The following CCDC7 variants were observed in gnomAD, a reference collection of about 807,000 sequenced individuals.
CCDC7 encodes the protein coiled-coil domain-containing protein 7.
In CCDC7, 183 loss-of-function variants were observed where a neutral mutation model predicts 196.9. The observed-to-expected ratio is 0.93, with a 90% CI of 0.82 to 1.05. The LOEUF is 1.05. Ranked by LOEUF, CCDC7 falls within the 50% of genes least tolerant of loss-of-function variation. The pLI is 0.00. For synonymous variants in CCDC7, 525 were observed against 484.6 expected (o/e 1.08, Z -1.10); for missense variants, 1,540 against 1,482.2 (o/e 1.04, Z -0.64).
At chr10:32,447,386 C>T (rs999363071), upstream of CCDC7, among the ~76,000 whole-genome samples, 2 of 152,132 alleles carry the variant, frequency 1.3e-5, no homozygotes, top group African/African-American at 4.8e-5. Context: ...GGCTCATTGG[C>T]CACTCTTCTT....
intron 11 of CCDC7, among the ~76,000 whole-genome samples, chr10:32,520,202 A>G (rs1361789726): frequency 6.6e-6 from 1 of 152,110 alleles, no homozygotes; most frequent in Non-Finnish European, 1.5e-5. Context: ...TCTCTTTGAT[A>G]TTCTGATTTC....
intron 28 of CCDC7, among the ~76,000 whole-genome samples, chr10:32,764,154 C>T (rs1301046716): frequency 6.6e-6 from 1 of 151,600 alleles, no homozygotes; most frequent in African/African-American, 2.4e-5. Context: ...CTATAATTGC[C>T]TCCCTTGAGA....
intron 28 of CCDC7, among the ~76,000 whole-genome samples, chr10:32,754,880 G>A (rs529145746): frequency 3.9e-5 from 6 of 152,266 alleles, no homozygotes; most frequent in East Asian, 1.9e-4. Context: ...AAGGGAAGCC[G>A]TGACAGATGG....
intron 18 of CCDC7, among the ~76,000 whole-genome samples, chr10:32,625,981 G>C (rs1199165068): frequency 6.6e-6 from 1 of 152,018 alleles, no homozygotes; most frequent in African/African-American, 2.4e-5. Context: ...TGATAAACAG[G>C]TTGATTCCAT....
chr10:32,549,251 G>A (rs774930394), intron 13 of CCDC7, among the ~76,000 whole-genome samples: 3 of 152,006 alleles, frequency 2.0e-5, no homozygotes, highest in Non-Finnish European at 4.4e-5. Flanking sequence ...CCCACTTTTT[G>A]ATGGGATACT....
chr10:32,869,280 A>G (rs1301564806), intron 41 of CCDC7, among the ~76,000 whole-genome samples: 1 of 152,176 alleles, frequency 6.6e-6, no homozygotes, highest in Non-Finnish European at 1.5e-5. Context: ...GTGAGATGGT[A>G]TCTCATTGTG....
chr10:32,769,388 T>TC (rs1565451067), intron 28 of CCDC7, among the ~76,000 whole-genome samples: 1 of 152,048 alleles, frequency 6.6e-6, no homozygotes. Context: ...CTTGGATTTT[T>TC]TTTTGGTTAG....
At chr10:32,705,341 C>G (rs2079533892) in intron 24 of CCDC7, among the ~76,000 whole-genome samples, 1 of 152,220 alleles carries the variant, frequency 6.6e-6, no homozygotes, top group Admixed American at 6.5e-5. Flanking sequence ...AAAGGAACAA[C>G]TGGTACCATC....
intron 8 of CCDC7, among the ~76,000 whole-genome samples, 187 bp downstream of exon 9, chr10:32,474,210 CTTTTTTTTTTTTTTTT>C (rs71027095): frequency 6.6e-4 from 39 of 58,964 alleles, no homozygotes; most frequent in Admixed American, 4.5e-3. Context: ...AAACTAGATT[CTTTTTTTTTTTTTTTT>C]TTTTTTTTTT....
intron 13 of CCDC7, among the ~76,000 whole-genome samples, chr10:32,554,409 CCT>C (rs2054017202): frequency 6.6e-6 from 1 of 152,210 alleles, no homozygotes; most frequent in Admixed American, 6.5e-5. Context: ...ACCCCCTGGT[CCT>C]CTGTCTGTCC....
chr10:32,568,585 G>A (rs73255429), intron 15 of CCDC7, among the ~76,000 whole-genome samples: 2,665 of 152,148 alleles, frequency 0.018, 84 homozygotes, highest in African/African-American at 0.061. Context: ...AAGGTACACC[G>A]AATTGAATAT....
chr10:32,700,855 TTGTC>T (rs2078589770), intron 24 of CCDC7, among the ~76,000 whole-genome samples: 1 of 152,198 alleles, frequency 6.6e-6, no homozygotes. Context: ...GGCTCTCTGT[TTGTC>T]TGTTATTGGT....
At chr10:32,556,255 G>T (rs60308529) in intron 13 of CCDC7, among the ~76,000 whole-genome samples, 4 of 151,912 alleles carry the variant, frequency 2.6e-5, no homozygotes, top group African/African-American at 9.7e-5. Context: ...ATCTTTATTC[G>T]TTAGAATATA....
At chr10:32,575,455 A>G (rs1423011634) in intron 16 of CCDC7, among the ~76,000 whole-genome samples, 1 of 152,158 alleles carries the variant, frequency 6.6e-6, no homozygotes, top group Non-Finnish European at 1.5e-5. Context: ...ATTATTCCGT[A>G]GAGAAATAGA....
chr10:32,581,405 C>G (rs1169332029), intron 16 of CCDC7, among the ~76,000 whole-genome samples: 1 of 151,852 alleles, frequency 6.6e-6, no homozygotes, highest in Non-Finnish European at 1.5e-5. Context: ...CATTGCTGTT[C>G]TCCTCCTCCT....
At chr10:32,865,758 C>G (rs958406010) in intron 41 of CCDC7, among the ~76,000 whole-genome samples, 4 of 151,712 alleles carry the variant, frequency 2.6e-5, no homozygotes, top group African/African-American at 9.7e-5. Flanking sequence ...AAATATTGAG[C>G]TCTAGTCATA....
intron 24 of CCDC7, among the ~76,000 whole-genome samples, chr10:32,702,920 A>T (rs112677125): frequency 0.14 from 21,764 of 152,032 alleles, 1,893 homozygotes; most frequent in African/African-American, 0.25. Context: ...TCTGCACGTG[A>T]GATGGGTTTC....
At chr10:32,729,967 T>G (rs2083679904) in intron 28 of CCDC7, among the ~76,000 whole-genome samples, 1 of 152,190 alleles carries the variant, frequency 6.6e-6, no homozygotes, top group Non-Finnish European at 1.5e-5. Flanking sequence ...CGTAAGAAAC[T>G]TACAATTGTA....
exon 3 of CCDC7, chr10:32,456,296 G>T (rs989727242): frequency 2.5e-6 from 4 of 1,570,980 alleles, no homozygotes; most frequent in Non-Finnish European, 3.5e-6. Flanking sequence ...TTCGCAATTT[G>T]CAGCTCAGCT....
Sources: allele counts gnomAD v4.1 joint callset (sites outside exome capture counted in the v4.1 genomes callset), GRCh38; gene constraint gnomAD v4.1.1; transcripts MANE v1.5; gene names NCBI Gene and HGNC (gene_info 2026-07-23, HGNC 2026-07-21).